The following TAMM41 variants were observed in gnomAD, a reference collection of about 807,000 sequenced individuals.
The protein encoded by TAMM41 is phosphatidate cytidylyltransferase, mitochondrial.
A neutral mutation model predicts 44.1 loss-of-function variants in TAMM41; 36 were observed. The ratio of observed to expected loss-of-function variants is 0.82; its 90% CI spans 0.63 to 1.08. TAMM41 has a LOEUF of 1.08. TAMM41 is among the 50% of genes least tolerant of loss of function. The probability of loss-of-function intolerance (pLI) is 0.00; values close to 1 mark genes in which losing one functional copy is unlikely to be tolerated. For missense variants in TAMM41, 417 were observed against 404.3 expected, an observed-to-expected ratio of 1.03 and a Z score of -0.27; for synonymous variants, 164 against 153.1, an observed-to-expected ratio of 1.07 and a Z score of -0.53.
rs762760090 is a variant in TAMM41, at chr3:11,844,219, G to A, written c.136-8C>T. On this transcript the variant is annotated splice_polypyrimidine_tract_variant and splice_region_variant and intron_variant, in intron 1 of 7. Coordinates refer to ENST00000455809, the MANE Select transcript of TAMM41 (RefSeq NM_001284401.2). ...AAAGTCCAGCATAGCATTCTGTGGA[G>A]TGAAGAAAAGAGAATAATTTCAGTA... 2 of 1,609,610 alleles carry A rather than the reference G, an allele frequency of 1.2e-6. No individual in the cohort carries two copies. The highest frequency in any genetic ancestry group is 3.4e-5 in the Admixed American group (2 of 59,352).
At chr3:11,788,377 C>T (rs1450705236), downstream of TAMM41, among the ~76,000 whole-genome samples, 1 of 152,216 alleles carries the variant, frequency 6.6e-6, no homozygotes, top group Non-Finnish European at 1.5e-5. Flanking sequence ...TCACTGCAGC[C>T]TTGACCTCCT....
At chr3:11,743,532 C>T in the TAMM41 span, among the ~76,000 whole-genome samples, 13 of 152,052 alleles carry the variant, frequency 8.5e-5, no homozygotes, top group African/African-American at 3.1e-4. Context: ...CGGGTTTCAC[C>T]ATGTTGGCCA....
chr3:11,790,586 AAG>A lies in TAMM41; in HGVS notation c.938-7_938-6del. On this transcript the variant is annotated splice_region_variant and splice_polypyrimidine_tract_variant and intron_variant, in intron 7 of 7. Transcript: ENST00000455809. ...AAATCACTGACTTCTTCAGGCCTAAAAGAGAAAAGATGAGAAAGTAAGAAGAT... is the reference window on the plus strand; with the variant it reads ...AAATCACTGACTTCTTCAGGCCTAAAAGAAAAGATGAGAAAGTAAGAAGAT... 2 of 1,611,980 alleles carry A rather than the reference AAG, an allele frequency of 1.2e-6. No individual in the cohort carries two copies. The highest frequency in any genetic ancestry group is 1.7e-6 in the Non-Finnish European group (2 of 1,178,576).
chr3:11,800,803 T>C (rs1164032752), intron 7 of TAMM41, among the ~76,000 whole-genome samples: 6 of 152,198 alleles, frequency 3.9e-5, no homozygotes, highest in African/African-American at 1.4e-4. Context: ...TTAGACCAAA[T>C]AGACTTAACA....
At chr3:11,824,462 T>G (rs551257868) in intron 4 of TAMM41, among the ~76,000 whole-genome samples, 3 of 151,544 alleles carry the variant, frequency 2.0e-5, no homozygotes, top group African/African-American at 7.3e-5. Flanking sequence ...CCCGGCTAAT[T>G]TCTGTATTTT....
chr3:11,804,202 A>C (rs1001600201), intron 7 of TAMM41, among the ~76,000 whole-genome samples: 1 of 152,214 alleles, frequency 6.6e-6, no homozygotes, highest in South Asian at 2.1e-4. Flanking sequence ...GTGAGTAGAA[A>C]TAATGAGTGG....
chr3:11,777,012 G>T, the TAMM41 span, among the ~76,000 whole-genome samples: 2 of 152,156 alleles, frequency 1.3e-5, no homozygotes, highest in African/African-American at 4.8e-5. Context: ...GGAAGATTTT[G>T]GTGAAAGGGT....
intron 7 of TAMM41, among the ~76,000 whole-genome samples, chr3:11,805,650 G>C (rs1328329331): frequency 6.6e-6 from 1 of 152,178 alleles, no homozygotes; most frequent in Non-Finnish European, 1.5e-5. Context: ...CCAAGCAGCT[G>C]GGCTATGAGA....
the TAMM41 span, among the ~76,000 whole-genome samples, chr3:11,723,110 TGA>T: frequency 6.9e-6 from 1 of 145,382 alleles, no homozygotes; most frequent in Non-Finnish European, 1.5e-5. Flanking sequence ...GCGACAGAGC[TGA>T]GTCTCAAAAA....
At chr3:11,803,494 G>A (rs953990790) in intron 7 of TAMM41, among the ~76,000 whole-genome samples, 1 of 152,168 alleles carries the variant, frequency 6.6e-6, no homozygotes, top group Non-Finnish European at 1.5e-5. Flanking sequence ...GCCTTTATGG[G>A]AAACAGTATG....
At chr3:11,819,331 C>G (rs777050416) in intron 4 of TAMM41, among the ~76,000 whole-genome samples, 3 of 152,194 alleles carry the variant, frequency 2.0e-5, no homozygotes, top group Admixed American at 6.5e-5. Context: ...CAGCTCTCCT[C>G]TCAGGTAGAT....
the TAMM41 span, among the ~76,000 whole-genome samples, chr3:11,755,601 A>G: frequency 6.6e-6 from 1 of 152,166 alleles, no homozygotes; most frequent in African/African-American, 2.4e-5. Context: ...GGGGATGTCC[A>G]GCTTGAACCT....
intron 4 of TAMM41, among the ~76,000 whole-genome samples, chr3:11,828,200 C>A (rs567424361): frequency 6.6e-6 from 1 of 152,172 alleles, no homozygotes; most frequent in East Asian, 1.9e-4. Context: ...AGGTCTCATA[C>A]CTATGAAAGA....
intron 2 of TAMM41, among the ~76,000 whole-genome samples, chr3:11,840,728 C>T (rs1462318703): frequency 6.6e-6 from 1 of 151,818 alleles, no homozygotes; most frequent in Admixed American, 6.6e-5. Context: ...AAAAACTTGT[C>T]CTTCCCCAAA....
At chr3:11,767,643 T>TTTTTTTTTTTTTTTTTTTTTTGAAA in the TAMM41 span, among the ~76,000 whole-genome samples, 1 of 139,034 alleles carries the variant, frequency 7.2e-6, no homozygotes, top group Non-Finnish European at 1.6e-5. Context: ...TTTTTTTTTT[T>TTTTTTTTTTTTTTTTTTTTTTGAAA]GAGACAGAGT....
At chr3:11,775,423 C>T in the TAMM41 span, among the ~76,000 whole-genome samples, 1 of 152,186 alleles carries the variant, frequency 6.6e-6, no homozygotes, top group Non-Finnish European at 1.5e-5. Context: ...TCTTTCAGGA[C>T]AGTGTTACAA....
the TAMM41 span, among the ~76,000 whole-genome samples, chr3:11,779,774 A>G: frequency 1.8e-4 from 28 of 152,126 alleles, no homozygotes; most frequent in Non-Finnish European, 3.1e-4. Context: ...CCAACTGTTT[A>G]CTCAACATCT....
chr3:11,802,861 T>G (rs1026688537), intron 7 of TAMM41, among the ~76,000 whole-genome samples: 7 of 152,180 alleles, frequency 4.6e-5, no homozygotes, highest in Non-Finnish European at 1.0e-4. Flanking sequence ...TATGATCAGG[T>G]GGGATTTATC....
the TAMM41 span, among the ~76,000 whole-genome samples, chr3:11,784,356 G>A: frequency 1.3e-5 from 2 of 152,284 alleles, no homozygotes; most frequent in East Asian, 1.9e-4. Context: ...TTAGCCAGGT[G>A]TGGTGGTGTG....
Sources: gnomAD v4.1 joint callset for allele counts (sites outside exome capture counted in the v4.1 genomes callset) on GRCh38, gnomAD v4.1.1 for gene constraint, MANE v1.5 for transcripts, NCBI Gene and HGNC (gene_info 2026-07-23, HGNC 2026-07-21) for gene names.